SLC4A10: variants seen among roughly 807,000 people sequenced by gnomAD.
The protein encoded by SLC4A10 is solute carrier family 4 member 10, also known as sodium-driven chloride bicarbonate exchanger.
A neutral mutation model predicts 137.7 loss-of-function variants in SLC4A10; 42 were observed. That is an observed-to-expected ratio of 0.30 (90% CI 0.24 to 0.39). The LOEUF (loss-of-function observed/expected upper bound fraction) is 0.39. Among genes scored for constraint, SLC4A10 ranks in the 10% least tolerant of loss-of-function variants. The pLI, the probability that SLC4A10 is intolerant of heterozygous loss-of-function variation, is 1.00. For synonymous variants in SLC4A10, 474 were observed against 464.1 expected, an observed-to-expected ratio of 1.02 and a Z score of -0.27; for missense variants, 925 against 1,355.0, an observed-to-expected ratio of 0.68 and a Z score of 4.98.
chr2:161,703,535 C>T (rs2043345636), intron 1 of SLC4A10, among the ~76,000 whole-genome samples: 1 of 151,386 alleles, frequency 6.6e-6, no homozygotes, highest in South Asian at 2.1e-4. Flanking sequence ...TTTATGTTTT[C>T]TTCTGTTTGT....
At chr2:161,980,126 T>G (rs1247268822) in intron 26 of SLC4A10, among the ~76,000 whole-genome samples, 5 of 152,154 alleles carry the variant, frequency 3.3e-5, no homozygotes, top group Admixed American at 3.3e-4. Context: ...ACTGCTACGT[T>G]TTTTAAACTG....
chr2:161,855,527 A>G (rs1448818840), intron 5 of SLC4A10, among the ~76,000 whole-genome samples: 4 of 152,132 alleles, frequency 2.6e-5, no homozygotes, highest in Non-Finnish European at 5.9e-5. Flanking sequence ...TTTAGAATGG[A>G]CACAGAAAGG....
intron 10 of SLC4A10, among the ~76,000 whole-genome samples, chr2:161,890,337 T>C (rs530557215): frequency 6.6e-6 from 1 of 152,182 alleles, no homozygotes; most frequent in Non-Finnish European, 1.5e-5. Context: ...AAGTCCTGAA[T>C]ATCCTTGTTG....
intron 1 of SLC4A10, among the ~76,000 whole-genome samples, chr2:161,714,675 G>A (rs2044655349): frequency 6.6e-6 from 1 of 151,904 alleles, no homozygotes; most frequent in Non-Finnish European, 1.5e-5. Flanking sequence ...GTATACCACA[G>A]TAGCAAGGAG....
At chr2:161,667,883 G>T (rs938206398) in intron 1 of SLC4A10, among the ~76,000 whole-genome samples, 2 of 151,678 alleles carry the variant, frequency 1.3e-5, no homozygotes, top group Non-Finnish European at 3.0e-5. Flanking sequence ...GTATAAGGTA[G>T]CTAAACAGAG....
chr2:161,702,857 G>A (rs564960050), intron 1 of SLC4A10, among the ~76,000 whole-genome samples: 6 of 151,732 alleles, frequency 4.0e-5, no homozygotes, highest in African/African-American at 9.7e-5. Flanking sequence ...AAACAAGGAC[G>A]CTTTATTTAT....
In SLC4A10 at chr2:161,744,316, T is replaced by A. The variant is rs373201375; in HGVS notation, c.49-26657T>A. ...CAGGTATGTTCCTTCTATACCCAGG[T>A]TTTTTGAGGATTCTTAACATGAAGG... On this transcript the variant is annotated intron_variant, in intron 1 of 26. Coordinates refer to ENST00000446997, the MANE Select transcript of SLC4A10 (RefSeq NM_001178015.2). 1.2e-4 allele frequency among the ~76,000 whole-genome samples: 18 copies of A among 152,224 alleles called. No homozygotes were observed. In the East Asian group the frequency reaches 1.3e-3, roughly 11 times the overall value.
Position 161,942,741 on chromosome 2 carries a change from C to T in SLC4A10, c.1998-51C>T. The T allele has an allele frequency of 3.6e-6, 5 of 1,386,216 alleles. No individual in the cohort carries two copies. In the South Asian group the frequency reaches 6.2e-5, roughly 17 times the overall value. The allele number at this position is 1,386,216 out of a possible 1,614,324, so 85.9% of individuals were successfully genotyped here. A position where few individuals can be genotyped will look rare whatever the true frequency, so the allele number is the denominator to read the frequency against. ...AGCCGTTATACATTAGTCTTCGGTA[C>T]AGTCACAAAAAGCTACTTATTTCAC... On this transcript the variant is annotated intron_variant, in intron 15 of 26. Coordinates refer to ENST00000446997, the MANE Select transcript of SLC4A10 (RefSeq NM_001178015.2).
At chr2:161,678,095 T>G (rs185216406) in intron 1 of SLC4A10, among the ~76,000 whole-genome samples, 145 of 152,296 alleles carry the variant, frequency 9.5e-4, no homozygotes, top group African/African-American at 3.1e-3. Flanking sequence ...AAATGTTAAT[T>G]TTAGACAGAT....
chr2:161,870,489 A>G (rs2061051891), intron 6 of SLC4A10, among the ~76,000 whole-genome samples: 1 of 151,806 alleles, frequency 6.6e-6, no homozygotes, highest in African/African-American at 2.4e-5. Flanking sequence ...TAATTTATCC[A>G]TGACTTGAGT....
chr2:161,915,040 T>A (rs1187954198), intron 15 of SLC4A10, among the ~76,000 whole-genome samples: 2 of 152,028 alleles, frequency 1.3e-5, no homozygotes, highest in Non-Finnish European at 2.9e-5. Flanking sequence ...AAATGTTGCC[T>A]TTTCCAAAAC....
chr2:161,982,258 A>G (rs149328081), intron 26 of SLC4A10, among the ~76,000 whole-genome samples: 41 of 152,244 alleles, frequency 2.7e-4, no homozygotes, highest in African/African-American at 8.4e-4. Context: ...GAAGCCTCAG[A>G]TGAGGAGGGT....
chr2:161,731,987 A>G (rs905155585), intron 1 of SLC4A10, among the ~76,000 whole-genome samples: 1 of 152,170 alleles, frequency 6.6e-6, no homozygotes, highest in Non-Finnish European at 1.5e-5. Context: ...TTACCAGTTT[A>G]TTACAAAGGA....
At chr2:161,888,565 G>C (rs977520964) in intron 10 of SLC4A10, among the ~76,000 whole-genome samples, 1 of 152,004 alleles carries the variant, frequency 6.6e-6, no homozygotes, top group African/African-American at 2.4e-5. Context: ...ATTGTGAATG[G>C]GAGTTCACTC....
chr2:161,871,909 C>A (rs1014759038), intron 6 of SLC4A10, among the ~76,000 whole-genome samples: 20 of 152,054 alleles, frequency 1.3e-4, no homozygotes, highest in African/African-American at 4.3e-4. Flanking sequence ...ATTTTAAATT[C>A]TTCAGGCTGA....
At chr2:161,707,676 A>G (rs989539616) in intron 1 of SLC4A10, among the ~76,000 whole-genome samples, 68 of 151,652 alleles carry the variant, frequency 4.5e-4, no homozygotes, top group African/African-American at 1.6e-3. Flanking sequence ...TCCATAGTAA[A>G]AATGCCAACA....
At chr2:161,872,506 A>T in intron 7 of SLC4A10, 122 bp downstream of exon 7, 2 of 603,950 alleles carry the variant, frequency 3.3e-6, no homozygotes, top group Non-Finnish European at 2.8e-6. Context: ...AAAGCTTGAT[A>T]TTGTTACAGA....
At chr2:161,655,847 C>T (rs1435764688) in intron 1 of SLC4A10, among the ~76,000 whole-genome samples, 1 of 149,662 alleles carries the variant, frequency 6.7e-6, no homozygotes, top group Non-Finnish European at 1.5e-5. Flanking sequence ...CGGAGTCTCG[C>T]TCTGTCACCC....
chr2:161,875,106 T>C lies in SLC4A10; in HGVS notation c.948+1101T>C, dbSNP rs532950581. On this transcript the variant is annotated intron_variant, in intron 8 of 26. Transcript: ENST00000446997. ...AGATTCAAAATAATGTAAGCCCAGT[T>C]TTGGAATTTAAAAAAGACTAAGTAA... Among the ~76,000 whole-genome samples the C allele has an allele frequency of 5.3e-5, 8 of 152,304 alleles. No individual in the cohort carries two copies. In the South Asian group the frequency reaches 1.7e-3, roughly 32 times the overall value.
Sources: gnomAD v4.1 joint callset for allele counts (sites outside exome capture counted in the v4.1 genomes callset) on GRCh38, gnomAD v4.1.1 for gene constraint, MANE v1.5 for transcripts, NCBI Gene and HGNC (gene_info 2026-07-23, HGNC 2026-07-21) for gene names.